The following KLHL29 variants were observed in gnomAD, a reference collection of about 807,000 sequenced individuals.
KLHL29 encodes the protein kelch-like protein 29.
In KLHL29, 21 loss-of-function variants were observed where a neutral mutation model predicts 80.4. The ratio of observed to expected loss-of-function variants is 0.26; its 90% CI spans 0.19 to 0.38. KLHL29 has a LOEUF of 0.38. Ranked by LOEUF, KLHL29 falls within the 10% of genes least tolerant of loss-of-function variation. The probability of loss-of-function intolerance (pLI) is 1.00; values close to 1 mark genes in which losing one functional copy is unlikely to be tolerated. For synonymous variants in KLHL29, 511 were observed against 526.8 expected, an observed-to-expected ratio of 0.97 and a Z score of 0.41; for missense variants, 867 against 1,223.9, an observed-to-expected ratio of 0.71 and a Z score of 4.35.
intron 5 of KLHL29, among the ~76,000 whole-genome samples, chr2:23,657,800 G>A (rs1450087938): frequency 6.6e-6 from 1 of 152,182 alleles, no homozygotes; most frequent in Non-Finnish European, 1.5e-5. Context: ...CGCCTAAGAA[G>A]GCTGGTTGGT....
At chr2:23,616,394 G>T (rs60643321) in intron 3 of KLHL29, 2 of 151,960 alleles carry the variant, frequency 1.3e-5, no homozygotes, top group African/African-American at 4.8e-5. Context: ...GGAGAAACAC[G>T]CACACACACG....
At position 23,684,364 on chromosome 2, in the gene KLHL29, G is replaced by A. The variant is rs1447485490; in HGVS notation, c.941-35G>A. 15 of 1,351,824 alleles carry A rather than the reference G, an allele frequency of 1.1e-5. No individual in the cohort carries two copies. Among genetic ancestry groups the A allele is most frequent in the Non-Finnish European group, 1.4e-5 (15 of 1,041,502 alleles). 83.7% of individuals were successfully genotyped at this position (1,351,824 alleles called of 1,614,324 possible). On this transcript the variant is annotated intron_variant, in intron 5 of 13. Transcript: ENST00000486442. The surrounding 1 kb of genome is among the most constrained non-coding windows in gnomAD (Gnocchi z 4.4). ...ATTAAAAAAAAAAAAACTCTTAATG[G>A]GAACCTGGCCCTGTCTGTCTTCTCT...
At chr2:23,430,088 A>C (rs184038678) in intron 1 of KLHL29, among the ~76,000 whole-genome samples, 27 of 152,124 alleles carry the variant, frequency 1.8e-4, no homozygotes, top group African/African-American at 5.8e-4. Context: ...GTGACTCTGG[A>C]CCCTCTCTTC....
chr2:23,692,910 G>C (rs1671711524), intron 7 of KLHL29, among the ~76,000 whole-genome samples: 1 of 152,192 alleles, frequency 6.6e-6, no homozygotes, highest in South Asian at 2.1e-4. Context: ...GATGCTGTAA[G>C]CCTCAGTGCC....
rs553089054 is a variant in KLHL29 at position 23,417,122 on chromosome 2, T to C, written c.-154+31342T>C. On this transcript the variant is annotated intron_variant, in intron 1 of 13. Transcript: ENST00000486442. Reference sequence around the variant, plus strand: ...GGGGCCATCAGCCTTCTTCTCTTCATTGCCTCTGTCCTCTCTCTCCATTGC... The same window carrying C: ...GGGGCCATCAGCCTTCTTCTCTTCACTGCCTCTGTCCTCTCTCTCCATTGC... Among the ~76,000 whole-genome samples the C allele has an allele frequency of 2.3e-4, 35 of 152,288 alleles. No individual in the cohort carries two copies. In the South Asian group the frequency reaches 2.7e-3, roughly 12 times the overall value.
rs1671956755 is a variant in KLHL29, at chr2:23,696,329, C to T, written c.1925-4C>T. 3 of 1,551,294 alleles carry T rather than the reference C, an allele frequency of 1.9e-6. No homozygotes were observed. Among genetic ancestry groups the T allele is most frequent in the Non-Finnish European group, 8.7e-7 (1 of 1,146,916 alleles). The stretch of plus-strand genomic sequence containing the variant: ...GCTCTCTCTGCCTCCCACACTGCCT[C>T]CAGGTGGGATGGAATCAGGGGTGAC... On this transcript the variant is annotated splice_region_variant and splice_polypyrimidine_tract_variant and intron_variant, in intron 10 of 13. Transcript: ENST00000486442. The surrounding 1 kb of genome is among the most constrained non-coding windows in gnomAD (Gnocchi z 5.5).
rs74695570 is a variant in KLHL29 at position 23,659,064 on chromosome 2, A to G, written c.940+16214A>G. The stretch of plus-strand genomic sequence containing the variant: ...CCCACTCAACTGTGAGTGACTTTAG[A>G]ACACCCCCGCTGCTGACCGATTTAG... On this transcript the variant is annotated intron_variant, in intron 5 of 13. Coordinates refer to ENST00000486442, the MANE Select transcript of KLHL29 (RefSeq NM_052920.2). Among the ~76,000 whole-genome samples, 43 of 152,292 alleles carry G rather than the reference A, an allele frequency of 2.8e-4. No individual in the cohort carries two copies. In the East Asian group the frequency reaches 7.3e-3, roughly 26 times the overall value.
intron 2 of KLHL29, among the ~76,000 whole-genome samples, chr2:23,505,347 G>T (rs2103457739): frequency 6.6e-6 from 1 of 152,348 alleles, no homozygotes; most frequent in African/African-American, 2.4e-5. Flanking sequence ...CGAGGCATGT[G>T]CTCAGAGGCT....
In KLHL29 at chr2:23,562,788, T is replaced by C. The variant is rs1667485746; in HGVS notation, c.285+307T>C. ...GTGAAGTAACAGTGGACCTCCAAGA[T>C]GGCAATATGGGGTTCCTAAATAGAT... On this transcript the variant is annotated intron_variant, in intron 3 of 13. Coordinates refer to ENST00000486442, the MANE Select transcript of KLHL29 (RefSeq NM_052920.2). This position sits in a 1 kb window ranked among gnomAD's most constrained non-coding sequence, Gnocchi z 4.5. Among the ~76,000 whole-genome samples the C allele has an allele frequency of 6.6e-6, 1 of 152,158 alleles. No individual in the cohort carries two copies.
intron 1 of KLHL29, among the ~76,000 whole-genome samples, chr2:23,471,780 C>A (rs753035640): frequency 9.2e-5 from 14 of 152,144 alleles, no homozygotes; most frequent in Non-Finnish European, 1.8e-4. Context: ...TCTTTATTCA[C>A]CTGGAGATAG....
At chr2:23,561,223 T>C (rs1667437989) in intron 2 of KLHL29, among the ~76,000 whole-genome samples, 1 of 152,208 alleles carries the variant, frequency 6.6e-6, no homozygotes. Flanking sequence ...CCTGCGTCTT[T>C]ACAGCGTTCT....
intron 5 of KLHL29, among the ~76,000 whole-genome samples, chr2:23,666,504 G>A (rs1344700383): frequency 6.6e-6 from 1 of 152,204 alleles, no homozygotes; most frequent in Non-Finnish European, 1.5e-5. Flanking sequence ...CCAGCAGGTT[G>A]CAGAAGTTGC....
intron 1 of KLHL29, among the ~76,000 whole-genome samples, chr2:23,422,662 CGT>C (rs1558332592): frequency 6.7e-6 from 1 of 148,544 alleles, no homozygotes; most frequent in East Asian, 2.0e-4. Context: ...TGTGTGTGTC[CGT>C]GTGTCTTTGT....
At chr2:23,673,359 C>T (rs1429612055) in intron 5 of KLHL29, among the ~76,000 whole-genome samples, 1 of 151,652 alleles carries the variant, frequency 6.6e-6, no homozygotes, top group Non-Finnish European at 1.5e-5. Flanking sequence ...CACACAGACA[C>T]ATACACAGGG....
chr2:23,410,926 C>T (rs944176170), intron 1 of KLHL29, among the ~76,000 whole-genome samples: 40 of 152,154 alleles, frequency 2.6e-4, no homozygotes, highest in African/African-American at 8.7e-4. Context: ...GGAAGTCTCT[C>T]CTGCTCCCTC....
intron 2 of KLHL29, among the ~76,000 whole-genome samples, chr2:23,480,168 G>T (rs958195049): frequency 6.6e-6 from 1 of 152,224 alleles, no homozygotes; most frequent in Non-Finnish European, 1.5e-5. Context: ...TTAGCCCTTG[G>T]TGCACATTGA....
intron 2 of KLHL29, among the ~76,000 whole-genome samples, chr2:23,536,736 G>A (rs1666674101): frequency 1.3e-5 from 2 of 152,176 alleles, no homozygotes; most frequent in Admixed American, 1.3e-4. Flanking sequence ...TATTGGAAGG[G>A]CCCGAGCCTG....
chr2:23,693,889 C>T lies in KLHL29; in HGVS notation c.1542+361C>T, dbSNP rs537479659. 1.1e-3 allele frequency among the ~76,000 whole-genome samples: 170 copies of T among 152,296 alleles called. 1 individual carries two copies. Among genetic ancestry groups the T allele is most frequent in the African/African-American group, 3.8e-3 (159 of 41,562 alleles). ...CAGCCCGCAATGGACCAAATGGAAA[C>T]CCCTGCATGCAGGAAGAGGGAGAGT... On this transcript the variant is annotated intron_variant, in intron 8 of 13. Coordinates refer to ENST00000486442, the MANE Select transcript of KLHL29 (RefSeq NM_052920.2).
chr2:23,663,675 C>T (rs1670481095), intron 5 of KLHL29, among the ~76,000 whole-genome samples: 1 of 152,206 alleles, frequency 6.6e-6, no homozygotes, highest in South Asian at 2.1e-4. Context: ...CCGTTGTGTT[C>T]TCAATGTGCT....
Sources: gnomAD v4.1 joint callset for allele counts (sites outside exome capture counted in the v4.1 genomes callset) on GRCh38, gnomAD v4.1.1 for gene constraint, Gnocchi (gnomAD v3.1) non-coding constraint, MANE v1.5 for transcripts, NCBI Gene and HGNC (gene_info 2026-07-23, HGNC 2026-07-21) for gene names.